C3orf49: variants seen among roughly 807,000 people sequenced by gnomAD.
The protein encoded by C3orf49 is putative uncharacterized protein C3orf49.
In C3orf49, 27 loss-of-function variants were observed where a neutral mutation model predicts 13.3. The observed-to-expected ratio is 2.02, with a 90% CI of 1.49 to 2.79. The LOEUF (loss-of-function observed/expected upper bound fraction) is 2.79. Ranked by LOEUF, C3orf49 falls within the 30% of genes most tolerant of loss-of-function variation. C3orf49 has a pLI of 0.00. For synonymous variants in C3orf49, 87 were observed against 47.6 expected, an observed-to-expected ratio of 1.83 and a Z score of -3.40; for missense variants, 242 against 134.2, an observed-to-expected ratio of 1.80 and a Z score of -3.97.
the C3orf49 span, among the ~76,000 whole-genome samples, chr3:63,794,603 C>T: frequency 0.023 from 3,459 of 152,270 alleles, 69 homozygotes; most frequent in South Asian, 0.081. Context: ...CTTTCATTCT[C>T]ACTTCACCAA....
chr3:63,835,436 G>T, intron 5 of C3orf49: 1 of 1,568,312 alleles, frequency 6.4e-7, no homozygotes, highest in Non-Finnish European at 8.7e-7. Flanking sequence ...TGGGGGAGAA[G>T]AGTTTACAAT....
chr3:63,779,983 G>A, the C3orf49 span: 48 of 152,062 alleles, frequency 3.2e-4, no homozygotes, highest in African/African-American at 9.9e-4. Context: ...GTTGAGTTTT[G>A]TTTGTTTGTT....
intron 3 of C3orf49, among the ~76,000 whole-genome samples, 181 bp from the exon 4 acceptor site, chr3:63,830,929 C>T (rs1417365022): frequency 1.3e-5 from 2 of 152,108 alleles, no homozygotes; most frequent in East Asian, 1.9e-4. Flanking sequence ...GAGCTCTGGG[C>T]ACAAAGAAGA....
the C3orf49 span, among the ~76,000 whole-genome samples, chr3:63,799,031 C>T: frequency 6.6e-6 from 1 of 152,092 alleles, no homozygotes; most frequent in Non-Finnish European, 1.5e-5. Context: ...ATAATGTCAA[C>T]ATTTTAGGTG....
At chr3:63,793,129 C>A in the C3orf49 span, among the ~76,000 whole-genome samples, 1 of 152,074 alleles carries the variant, frequency 6.6e-6, no homozygotes, top group Non-Finnish European at 1.5e-5. Flanking sequence ...TTTCTGTTCC[C>A]AAAAAGATAG....
the C3orf49 span, among the ~76,000 whole-genome samples, chr3:63,782,153 G>C: frequency 6.6e-6 from 1 of 152,174 alleles, no homozygotes; most frequent in Admixed American, 6.5e-5. Flanking sequence ...GATAGAGAGA[G>C]ATAATCCAAC....
the C3orf49 span, among the ~76,000 whole-genome samples, chr3:63,788,731 A>G: frequency 6.6e-5 from 10 of 151,840 alleles, no homozygotes; most frequent in Non-Finnish European, 1.2e-4. Flanking sequence ...TACAATTTAA[A>G]AAAAAAAAAC....
rs74509318 is a variant in C3orf49 at position 63,830,828 on chromosome 3, C to A, written c.571-282C>A. Among the ~76,000 whole-genome samples the A allele has an allele frequency of 6.6e-5, 10 of 152,268 alleles. No homozygotes were observed. The East Asian group carries it at 1.9e-3, about 29-fold the overall frequency. On this transcript the variant is annotated intron_variant, in intron 3 of 6. Coordinates refer to ENST00000295896, the MANE Select transcript of C3orf49 (RefSeq NM_001355236.2). ...GCAGAGGCAATTTCTTCTTCTTCCC[C>A]TTACGAATGACCTGCTTTTTTCCTG...
intron 5 of C3orf49, among the ~76,000 whole-genome samples, chr3:63,839,062 T>C (rs1437943723): frequency 6.6e-6 from 1 of 152,124 alleles, no homozygotes; most frequent in Non-Finnish European, 1.5e-5. Flanking sequence ...TGGTGTTGCA[T>C]GCCTATAATC....
At chr3:63,829,098 C>T (rs1342462963) in intron 3 of C3orf49, among the ~76,000 whole-genome samples, 1 of 152,220 alleles carries the variant, frequency 6.6e-6, no homozygotes, top group Non-Finnish European at 1.5e-5. Flanking sequence ...TTCCACTGAA[C>T]AGTGCTGCTC....
At chr3:63,794,751 C>T in the C3orf49 span, among the ~76,000 whole-genome samples, 2 of 152,108 alleles carry the variant, frequency 1.3e-5, no homozygotes, top group East Asian at 1.9e-4. Context: ...TTCTCATCTC[C>T]CTCAACATCT....
chr3:63,838,188 C>G, intron 5 of C3orf49: 1 of 992,982 alleles, frequency 1.0e-6, no homozygotes, highest in Middle Eastern at 3.3e-4. Context: ...TAAAAAATAG[C>G]TGTAACCCAA....
intron 3 of C3orf49, among the ~76,000 whole-genome samples, chr3:63,830,725 A>G (rs893272075): frequency 6.6e-6 from 1 of 152,172 alleles, no homozygotes; most frequent in Non-Finnish European, 1.5e-5. Flanking sequence ...AGACCAAATT[A>G]ACAACTAGAT....
the C3orf49 span, among the ~76,000 whole-genome samples, chr3:63,780,416 T>A: frequency 6.6e-6 from 1 of 152,198 alleles, no homozygotes; most frequent in Non-Finnish European, 1.5e-5. Flanking sequence ...GTTCCAAGTC[T>A]TTGCTATTGT....
intron 5 of C3orf49, chr3:63,835,398 T>C (rs746495156): frequency 1.3e-5 from 21 of 1,612,608 alleles, no homozygotes; most frequent in Non-Finnish European, 1.8e-5. Context: ...TCCCTGGAAA[T>C]AATAAAACAG....
the C3orf49 span, among the ~76,000 whole-genome samples, chr3:63,788,748 A>C: frequency 3.9e-5 from 6 of 152,022 alleles, no homozygotes; most frequent in African/African-American, 7.2e-5. Context: ...AAACAAAAAA[A>C]ACTGAGGTAC....
chr3:63,816,118 T>A (rs532745911), upstream of C3orf49, among the ~76,000 whole-genome samples: 43 of 151,750 alleles, frequency 2.8e-4, no homozygotes, highest in African/African-American at 1.0e-3. Context: ...TTTAATTCTT[T>A]TTTCTTTGTT....
At position 63,824,423 on chromosome 3, in the gene C3orf49, A is replaced by T. The variant is rs575896923; in HGVS notation, c.445+854A>T. Among the ~76,000 whole-genome samples, 8 of 152,336 alleles carry T rather than the reference A, an allele frequency of 5.3e-5. No homozygotes were observed. The South Asian group carries it at 1.7e-3, about 32-fold the overall frequency. ...TTCTATGTACTGTGTGAAAGAATTA[A>T]TATTTGAACTGTTAACTTTAAGTCG... On this transcript the variant is annotated intron_variant, in intron 2 of 6. Transcript: ENST00000295896.
chr3:63,794,198 C>T, the C3orf49 span, among the ~76,000 whole-genome samples: 3 of 151,708 alleles, frequency 2.0e-5, no homozygotes, highest in Non-Finnish European at 4.4e-5. Flanking sequence ...CACACACACA[C>T]ATTGTTGGAA....
Sources: gnomAD v4.1 joint callset for allele counts (sites outside exome capture counted in the v4.1 genomes callset) on GRCh38, gnomAD v4.1.1 for gene constraint, MANE v1.5 for transcripts, NCBI Gene and HGNC (gene_info 2026-07-23, HGNC 2026-07-21) for gene names.